Variants in ADAMTSL1 observed in about 807,000 individuals in gnomAD.
The protein encoded by ADAMTSL1 is ADAMTS like 1.
In ADAMTSL1, 126 loss-of-function variants were observed where a neutral mutation model predicts 201.8. That is an observed-to-expected ratio of 0.62 (90% CI 0.54 to 0.72). The LOEUF (loss-of-function observed/expected upper bound fraction) is 0.72. Among genes scored for constraint, ADAMTSL1 ranks in the 30% least tolerant of loss-of-function variants. The pLI, the probability that ADAMTSL1 is intolerant of heterozygous loss-of-function variation, is 0.00. For synonymous variants in ADAMTSL1, 1,121 were observed against 903.4 expected, an observed-to-expected ratio of 1.24 and a Z score of -4.32; for missense variants, 2,679 against 2,277.8, an observed-to-expected ratio of 1.18 and a Z score of -3.59.
chr9:18,544,733 A>G (rs11791689), intron 3 of ADAMTSL1, among the ~76,000 whole-genome samples: 3,020 of 152,312 alleles, frequency 0.02, 38 homozygotes, highest in Non-Finnish European at 0.031. Context: ...CTCAGTATGA[A>G]TAGGAATGCC....
intron 23 of ADAMTSL1, among the ~76,000 whole-genome samples, chr9:18,882,217 T>A (rs1316854006): frequency 6.6e-6 from 1 of 152,034 alleles, no homozygotes; most frequent in Non-Finnish European, 1.5e-5. Context: ...TATGAAAGAT[T>A]CCCTGACAAA....
chr9:18,489,242 T>G (rs1356925892), intron 1 of ADAMTSL1, among the ~76,000 whole-genome samples: 3 of 152,224 alleles, frequency 2.0e-5, no homozygotes, highest in African/African-American at 7.2e-5. Context: ...GAAGATGCTT[T>G]ATAAACTCCC....
At chr9:18,557,294 A>G (rs1479195434) in intron 3 of ADAMTSL1, among the ~76,000 whole-genome samples, 1 of 151,988 alleles carries the variant, frequency 6.6e-6, no homozygotes, top group Non-Finnish European at 1.5e-5. Flanking sequence ...ACTCTTTTCC[A>G]TTCCAGTGAT....
At chr9:18,772,896 C>T (rs187726578) in intron 17 of ADAMTSL1, among the ~76,000 whole-genome samples, 4 of 152,276 alleles carry the variant, frequency 2.6e-5, no homozygotes, top group African/African-American at 4.8e-5. Context: ...ATGTTACTAG[C>T]TTCTGAGCTA....
At chr9:18,900,840 T>C (rs2131602436) in intron 26 of ADAMTSL1, among the ~76,000 whole-genome samples, 1 of 152,164 alleles carries the variant, frequency 6.6e-6, no homozygotes, top group East Asian at 1.9e-4. Flanking sequence ...CTGGGCTTGA[T>C]ACCCAGCTGA....
intron 26 of ADAMTSL1, among the ~76,000 whole-genome samples, chr9:18,901,372 A>T (rs1830008559): frequency 1.3e-5 from 2 of 151,952 alleles, no homozygotes; most frequent in South Asian, 2.1e-4. Flanking sequence ...TCTCCAATAA[A>T]GGTAAATAGA....
At chr9:18,085,571 A>T (rs1310840559) in intron 1 of ADAMTSL1, among the ~76,000 whole-genome samples, 1 of 150,578 alleles carries the variant, frequency 6.6e-6, no homozygotes, top group East Asian at 2.0e-4. Context: ...GTGTATACAT[A>T]TATACACACT....
chr9:18,561,954 A>T (rs1181612017), intron 3 of ADAMTSL1, among the ~76,000 whole-genome samples: 1 of 152,172 alleles, frequency 6.6e-6, no homozygotes, highest in Admixed American at 6.5e-5. Context: ...CAGCACACTG[A>T]TGGGTCTTGA....
chr9:18,822,173 G>T (rs1383659374), intron 21 of ADAMTSL1, among the ~76,000 whole-genome samples: 15 of 152,166 alleles, frequency 9.9e-5, no homozygotes. Context: ...ATAGCTTTTG[G>T]ATTTTGTTCT....
intron 1 of ADAMTSL1, among the ~76,000 whole-genome samples, chr9:18,100,471 T>C (rs7043604): frequency 0.046 from 7,022 of 152,212 alleles, 496 homozygotes; most frequent in African/African-American, 0.15. Context: ...GCCTGGCTAA[T>C]TTCCCTGAAC....
chr9:18,274,048 T>C (rs1464500173), intron 2 of ADAMTSL1, among the ~76,000 whole-genome samples: 1 of 152,220 alleles, frequency 6.6e-6, no homozygotes, highest in Admixed American at 6.5e-5. Flanking sequence ...TTAGATAATT[T>C]GGAGGGTGAG....
chr9:18,307,874 A>G (rs761679295), intron 2 of ADAMTSL1, among the ~76,000 whole-genome samples: 3 of 152,148 alleles, frequency 2.0e-5, no homozygotes, highest in Non-Finnish European at 2.9e-5. Flanking sequence ...CTCTTCACCC[A>G]AAATCAACAG....
At chr9:18,305,835 G>T (rs1223234591) in intron 2 of ADAMTSL1, among the ~76,000 whole-genome samples, 1 of 151,936 alleles carries the variant, frequency 6.6e-6, no homozygotes, top group Non-Finnish European at 1.5e-5. Context: ...AGTGGATCAC[G>T]CAGCACAGCA....
At chr9:18,507,081 G>A (rs13283108) in intron 2 of ADAMTSL1, among the ~76,000 whole-genome samples, 130 of 152,168 alleles carry the variant, frequency 8.5e-4, no homozygotes, top group Non-Finnish European at 8.7e-4. Flanking sequence ...ATTTTTAATT[G>A]TGAAAGAACT....
chr9:18,209,396 A>G (rs1316577104), intron 2 of ADAMTSL1, among the ~76,000 whole-genome samples: 1 of 152,148 alleles, frequency 6.6e-6, no homozygotes, highest in Non-Finnish European at 1.5e-5. Context: ...CCTTTTTGTT[A>G]TCGAATCAGT....
chr9:18,688,689 A>AAAAAAT (rs1554730404), intron 13 of ADAMTSL1, among the ~76,000 whole-genome samples: 14 of 8,640 alleles, frequency 1.6e-3, no homozygotes, highest in East Asian at 4.3e-3. Flanking sequence ...AAAAAAAAAA[A>AAAAAAT]ATATATATAT....
intron 1 of ADAMTSL1, among the ~76,000 whole-genome samples, chr9:18,021,730 T>G (rs1232164241): frequency 6.6e-6 from 1 of 152,134 alleles, no homozygotes; most frequent in Non-Finnish European, 1.5e-5. Context: ...TCTCATTAAT[T>G]GTTAGTTGAG....
intron 2 of ADAMTSL1, among the ~76,000 whole-genome samples, chr9:18,359,823 A>AC (rs1563911432): frequency 1.4e-4 from 6 of 42,198 alleles, no homozygotes; most frequent in African/African-American, 3.4e-4. Context: ...CCACCTCCCC[A>AC]CCCGCCCCCC....
intron 2 of ADAMTSL1, among the ~76,000 whole-genome samples, chr9:18,372,964 C>T (rs900199288): frequency 6.6e-6 from 1 of 152,164 alleles, no homozygotes; most frequent in African/African-American, 2.4e-5. Context: ...AGATTCTGTC[C>T]TGGGCATATT....
Sources: allele counts gnomAD v4.1 joint callset (sites outside exome capture counted in the v4.1 genomes callset), GRCh38; gene constraint gnomAD v4.1.1; transcripts MANE v1.5; gene names NCBI Gene and HGNC (gene_info 2026-07-23, HGNC 2026-07-21).